The following RTN4IP1 variants were observed in gnomAD, a reference collection of about 807,000 sequenced individuals.
The protein encoded by RTN4IP1 is NAD(P)H oxidoreductase RTN4IP1, mitochondrial.
Under a neutral mutation model 46.6 loss-of-function variants are expected in RTN4IP1, and 32 were observed. The observed-to-expected ratio is 0.69, with a 90% CI of 0.52 to 0.92. The LOEUF (loss-of-function observed/expected upper bound fraction) is 0.92. RTN4IP1 is among the 40% of genes least tolerant of loss of function. The pLI is 0.00. For missense variants in RTN4IP1, 424 were observed against 485.8 expected, an observed-to-expected ratio of 0.87 and a Z score of 1.20; for synonymous variants, 167 against 161.8, an observed-to-expected ratio of 1.03 and a Z score of -0.24.
chr6:106,618,790 C>T (rs1373737896), intron 4 of RTN4IP1, among the ~76,000 whole-genome samples: 2 of 152,048 alleles, frequency 1.3e-5, no homozygotes, highest in Admixed American at 1.3e-4. Context: ...GAGAATAACT[C>T]CTGGGAGAGG....
At chr6:106,578,560 C>T (rs953293711) in intron 8 of RTN4IP1, among the ~76,000 whole-genome samples, 13 of 152,196 alleles carry the variant, frequency 8.5e-5, no homozygotes, top group African/African-American at 1.2e-4. Context: ...GCATGAGGCA[C>T]GTCAGTACCA....
chr6:106,625,600 G>A (rs1776613896), intron 1 of RTN4IP1, among the ~76,000 whole-genome samples: 1 of 151,602 alleles, frequency 6.6e-6, no homozygotes, highest in African/African-American at 2.4e-5. Flanking sequence ...AAATGGAGCA[G>A]TAGCTCGAAG....
At chr6:106,583,717 G>C (rs1049537325) in intron 7 of RTN4IP1, 9 of 315,028 alleles carry the variant, frequency 2.9e-5, no homozygotes, top group Middle Eastern at 1.1e-3. Flanking sequence ...TCATCTAAAT[G>C]GTTTTCCACA....
intron 8 of RTN4IP1, among the ~76,000 whole-genome samples, chr6:106,577,447 C>A (rs1322133427): frequency 1.8e-3 from 102 of 55,400 alleles, no homozygotes; most frequent in African/African-American, 3.0e-3. Context: ...GACCCTGTCT[C>A]AAAAAAAAAA....
At chr6:106,626,057 G>A (rs1033262415) in intron 1 of RTN4IP1, among the ~76,000 whole-genome samples, 6 of 152,108 alleles carry the variant, frequency 3.9e-5, no homozygotes, top group South Asian at 2.1e-4. Context: ...GACACCTGCC[G>A]GAATGATATC....
At chr6:106,597,561 C>CAACTCAAACAAATTTA (rs1562141658) in intron 5 of RTN4IP1, among the ~76,000 whole-genome samples, 1 of 152,046 alleles carries the variant, frequency 6.6e-6, no homozygotes, top group African/African-American at 2.4e-5. Flanking sequence ...CCAGGCTGGT[C>CAACTCAAACAAATTTA]CTGAATCGCT....
In RTN4IP1 at chr6:106,629,342, C is replaced by T; in HGVS notation, c.-321G>A. 9.0e-6 allele frequency: 5 copies of T among 555,814 alleles called. No individual in the cohort carries two copies. Among genetic ancestry groups the T allele is most frequent in the Non-Finnish European group, 1.6e-5 (5 of 313,620 alleles). The allele number at this position is 555,814 out of a possible 1,614,324, so 34.4% of individuals were successfully genotyped here. On this transcript the variant is annotated 5_prime_UTR_variant, in exon 1 of 9. Coordinates refer to ENST00000369063, the MANE Select transcript of RTN4IP1 (RefSeq NM_032730.5). ...CATTAAAAAGCAGGTGCGCAAACCC[C>T]CTAGATCCCTGCCCTGTCCTGGGAG...
chr6:106,610,699 C>T (rs1380984058), intron 4 of RTN4IP1, among the ~76,000 whole-genome samples: 1 of 152,132 alleles, frequency 6.6e-6, no homozygotes, highest in Non-Finnish European at 1.5e-5. Context: ...TCAAAATCGC[C>T]AAGGTTTTTA....
At chr6:106,616,279 G>C (rs1776355049) in intron 4 of RTN4IP1, among the ~76,000 whole-genome samples, 1 of 152,092 alleles carries the variant, frequency 6.6e-6, no homozygotes, top group African/African-American at 2.4e-5. Context: ...ATGACATCAA[G>C]AATAAACTAT....
chr6:106,595,857 T>A (rs1775778477), intron 5 of RTN4IP1, among the ~76,000 whole-genome samples: 1 of 152,240 alleles, frequency 6.6e-6, no homozygotes, highest in South Asian at 2.1e-4. Flanking sequence ...TATTATTTTG[T>A]CTGCTCAATT....
At chr6:106,587,587 G>T in intron 7 of RTN4IP1, 92 bp downstream of exon 7, 1 of 1,184,598 alleles carries the variant, frequency 8.4e-7, no homozygotes, top group East Asian at 2.4e-5. Context: ...GTGCTATGCG[G>T]CCTCCAAGAG....
rs767139562 is a variant in RTN4IP1, at chr6:106,622,949, A to AAG, written c.293_294dup (p.Asn100Ter). Reference sequence around the variant, plus strand: ...TGTAAAGGATCACGCTTCATATTTAAAGCTGTAGCTCCATAACCACCTGTA... The same window carrying AAG: ...TGTAAAGGATCACGCTTCATATTTAAAGAGCTGTAGCTCCATAACCACCTGTA... On this transcript the variant is annotated frameshift_variant, in exon 2 of 9. Transcript: ENST00000369063. LOFTEE classifies it high-confidence loss of function. The AAG allele has an allele frequency of 5.6e-6, 9 of 1,614,110 alleles. No individual in the cohort carries two copies.
chr6:106,595,504 T>C (rs1009054917), intron 5 of RTN4IP1, among the ~76,000 whole-genome samples: 2 of 150,722 alleles, frequency 1.3e-5, no homozygotes, highest in African/African-American at 2.4e-5. Flanking sequence ...TTCTTTCTTT[T>C]TTTTTTTTTT....
chr6:106,624,159 G>A (rs1331509270), intron 1 of RTN4IP1, among the ~76,000 whole-genome samples: 3 of 152,050 alleles, frequency 2.0e-5, no homozygotes, highest in Non-Finnish European at 4.4e-5. Flanking sequence ...GGGTTCAAGT[G>A]ATTCTCCTGC....
chr6:106,609,634 G>T (rs1461168429), intron 4 of RTN4IP1, among the ~76,000 whole-genome samples: 1 of 152,188 alleles, frequency 6.6e-6, no homozygotes, highest in Non-Finnish European at 1.5e-5. Context: ...CTGCATTCAA[G>T]TTTCTTCCAG....
At chr6:106,573,009 G>A (rs1027259570) in intron 8 of RTN4IP1, among the ~76,000 whole-genome samples, 2 of 152,162 alleles carry the variant, frequency 1.3e-5, no homozygotes, top group Non-Finnish European at 2.9e-5. Flanking sequence ...AGAATACTTG[G>A]CCCAGGCTGG....
intron 8 of RTN4IP1, among the ~76,000 whole-genome samples, chr6:106,580,737 A>AG (rs1353487109): frequency 6.6e-6 from 1 of 151,086 alleles, no homozygotes; most frequent in Non-Finnish European, 1.5e-5. Flanking sequence ...AAAAAAAAAA[A>AG]CGATCAAAAT....
At chr6:106,590,349 C>T (rs182571522) in intron 6 of RTN4IP1, among the ~76,000 whole-genome samples, 639 of 151,002 alleles carry the variant, frequency 4.2e-3, no homozygotes, top group Middle Eastern at 0.024. Context: ...AAAACAAAAC[C>T]CCTTAAGGTA....
At chr6:106,576,044 C>T (rs903540393) in intron 8 of RTN4IP1, among the ~76,000 whole-genome samples, 4 of 152,188 alleles carry the variant, frequency 2.6e-5, no homozygotes, top group African/African-American at 9.6e-5. Context: ...TCCAGCACTA[C>T]CTCCTGGACA....
Sources: allele counts gnomAD v4.1 joint callset (sites outside exome capture counted in the v4.1 genomes callset), GRCh38; gene constraint gnomAD v4.1.1; transcripts MANE v1.5; gene names NCBI Gene and HGNC (gene_info 2026-07-23, HGNC 2026-07-21).